COBLL1: variants seen among roughly 807,000 people sequenced by gnomAD.
COBLL1 encodes the protein cordon-bleu protein-like 1.
A neutral mutation model predicts 94.8 loss-of-function variants in COBLL1; 50 were observed. The observed-to-expected ratio is 0.53, with a 90% CI of 0.42 to 0.67. COBLL1 has a LOEUF of 0.67. Among genes scored for constraint, COBLL1 ranks in the 30% least tolerant of loss-of-function variants. The pLI is 0.00. For missense variants in COBLL1, 1,362 were observed against 1,348.7 expected, an observed-to-expected ratio of 1.01 and a Z score of -0.15; for synonymous variants, 448 against 473.8, an observed-to-expected ratio of 0.95 and a Z score of 0.71.
In COBLL1 at chr2:164,728,137, G is replaced by C. The variant is rs1281467124; in HGVS notation, c.493C>G (p.Pro165Ala). ...KTQKTIVRVS[P>A]HASLQELAPI... ...GCAAGCTCTTGAAGCGATGCATGTGGACTCACTCTCACTATGGTCTTCTGT... is the reference window on the plus strand; with the variant it reads ...GCAAGCTCTTGAAGCGATGCATGTGCACTCACTCTCACTATGGTCTTCTGT... Residue 165 changes from proline (P) to alanine (A), a missense_variant, in exon 5 of 14, where the codon CCA (proline) becomes GCA (alanine). Coordinates refer to ENST00000652658, the MANE Select transcript of COBLL1 (RefSeq NM_001365672.2). 1 of 1,613,698 alleles carries C rather than the reference G, an allele frequency of 6.2e-7. No homozygotes were observed. The highest frequency in any genetic ancestry group is 1.1e-5 in the South Asian group (1 of 91,072).
intron 2 of COBLL1, among the ~76,000 whole-genome samples, chr2:164,794,753 AC>A (rs3835929): frequency 1.3e-5 from 2 of 151,504 alleles, no homozygotes; most frequent in Non-Finnish European, 2.9e-5. Context: ...GGCAATTTCA[AC>A]CCCCTCATGA....
At chr2:164,741,253 G>A (rs541982773) in intron 3 of COBLL1, among the ~76,000 whole-genome samples, 10 of 151,950 alleles carry the variant, frequency 6.6e-5, no homozygotes, top group African/African-American at 1.7e-4. Context: ...TCCAGCCTGC[G>A]CAACAGAGCA....
intron 2 of COBLL1, among the ~76,000 whole-genome samples, chr2:164,789,267 T>C (rs1683052451): frequency 2.0e-5 from 3 of 151,994 alleles, no homozygotes; most frequent in African/African-American, 4.8e-5. Context: ...ATCATGATGA[T>C]AGAAGGTTAG....
intron 2 of COBLL1, among the ~76,000 whole-genome samples, chr2:164,836,899 G>T (rs1683341592): frequency 6.6e-6 from 1 of 152,184 alleles, no homozygotes; most frequent in Non-Finnish European, 1.5e-5. Flanking sequence ...CAGAATGGGT[G>T]GGGGCATGAG....
rs1482696413 is a variant in COBLL1 at position 164,695,762 on chromosome 2, T to G, written c.1630A>C (p.Ile544Leu). Residue 544 changes from isoleucine (I) to leucine (L), a missense_variant, in exon 12 of 14, where the codon ATC becomes CTC. Coordinates refer to ENST00000652658, the MANE Select transcript of COBLL1 (RefSeq NM_001365672.2). Reference sequence around the variant, plus strand: ...TTTTTGGCAACACCTTCTACATTGATTTCTGTTTTCTTCACTCCATTTTTC... The same window carrying G: ...TTTTTGGCAACACCTTCTACATTGAGTTCTGTTTTCTTCACTCCATTTTTC... ...NMKNGVKKTE[I>L]NVEGVAKNNN... 38 of 1,612,822 alleles carry G rather than the reference T, an allele frequency of 2.4e-5. No individual in the cohort carries two copies. Among genetic ancestry groups the G allele is most frequent in the Non-Finnish European group, 3.1e-5 (36 of 1,179,584 alleles).
intron 2 of COBLL1, among the ~76,000 whole-genome samples, chr2:164,830,622 C>T (rs891885955): frequency 2.6e-5 from 4 of 152,234 alleles, no homozygotes; most frequent in East Asian, 3.9e-4. Context: ...CACAAGAATA[C>T]GAGCACAAAC....
At position 164,694,269 on chromosome 2, in the gene COBLL1, C is replaced by G. The variant is rs1382498686; in HGVS notation, c.3123G>C (p.Lys1041Asn). Residue 1041 changes from lysine to asparagine, a missense_variant and splice_region_variant, in exon 12 of 14, where the codon AAG becomes AAC. Physicochemically the swap from Lys to Asn is moderately conservative, Grantham distance 94. Transcript: ENST00000652658. ...VDIPQLGVSD[K>N]ENNSAHNEQN... Reference sequence around the variant, plus strand: ...TTATTTTTAAAAAGGCTACAGTTACCTTATCAGACACACCAAGCTGTGGGA... The same window carrying G: ...TTATTTTTAAAAAGGCTACAGTTACGTTATCAGACACACCAAGCTGTGGGA... The G allele has an allele frequency of 6.2e-7, 1 of 1,610,938 alleles. No homozygotes were observed. Among genetic ancestry groups the G allele is most frequent in the Non-Finnish European group, 8.5e-7 (1 of 1,178,564 alleles).
chr2:164,742,500 T>C (rs1023378860), intron 3 of COBLL1, among the ~76,000 whole-genome samples: 1 of 152,114 alleles, frequency 6.6e-6, no homozygotes, highest in East Asian at 1.9e-4. Context: ...TTTCAAGATG[T>C]CTTTCTCACA....
chr2:164,792,505 C>A (rs1261213698), intron 2 of COBLL1, among the ~76,000 whole-genome samples: 1 of 152,070 alleles, frequency 6.6e-6, no homozygotes, highest in African/African-American at 2.4e-5. Context: ...AGGATCATGA[C>A]TAAGAAATAA....
chr2:164,667,198 T>C (rs1028889719), intron 1 of COBLL1, among the ~76,000 whole-genome samples: 2 of 152,206 alleles, frequency 1.3e-5, no homozygotes, highest in Non-Finnish European at 2.9e-5. Context: ...GATCTTTTTT[T>C]CTAAGCAATT....
At chr2:164,770,442 A>C (rs187177275) in intron 2 of COBLL1, among the ~76,000 whole-genome samples, 2 of 152,318 alleles carry the variant, frequency 1.3e-5, no homozygotes, top group Admixed American at 1.3e-4. Flanking sequence ...CTAATTCATT[A>C]TAATCATGCC....
chr2:164,678,919 A>AAT (rs144653036), downstream of COBLL1, among the ~76,000 whole-genome samples: 233 of 152,244 alleles, frequency 1.5e-3, no homozygotes, highest in Non-Finnish European at 2.3e-3. Flanking sequence ...ATGTTCATCA[A>AAT]ATAAAGGAAC....
At chr2:164,678,236 T>A (rs1185859370), downstream of COBLL1, among the ~76,000 whole-genome samples, 1 of 152,150 alleles carries the variant, frequency 6.6e-6, no homozygotes, top group Non-Finnish European at 1.5e-5. Flanking sequence ...ACAGTAATAT[T>A]GGTGCAGTAT....
chr2:164,701,796 T>G (rs1382145765), intron 9 of COBLL1, among the ~76,000 whole-genome samples: 1 of 150,542 alleles, frequency 6.6e-6, no homozygotes, highest in African/African-American at 2.5e-5. Flanking sequence ...TAAGCCAGAG[T>G]GAGGTTCTGG....
chr2:164,770,785 A>G (rs981932727), intron 2 of COBLL1, among the ~76,000 whole-genome samples: 5 of 152,156 alleles, frequency 3.3e-5, no homozygotes, highest in African/African-American at 1.2e-4. Flanking sequence ...GGTGGTCAGT[A>G]CTTAGCAATG....
intron 2 of COBLL1, among the ~76,000 whole-genome samples, chr2:164,834,240 C>G (rs1683218568): frequency 6.6e-6 from 1 of 152,170 alleles, no homozygotes; most frequent in Non-Finnish European, 1.5e-5. Flanking sequence ...ATAAGAACTC[C>G]TTCTACCTTT....
At chr2:164,791,353 A>T (rs1159776964) in intron 2 of COBLL1, among the ~76,000 whole-genome samples, 1 of 152,082 alleles carries the variant, frequency 6.6e-6, no homozygotes, top group Non-Finnish European at 1.5e-5. Context: ...TGGTTAAACA[A>T]AACAAAACAA....
intron 7 of COBLL1, among the ~76,000 whole-genome samples, chr2:164,713,927 T>C (rs1685033460): frequency 6.6e-6 from 1 of 152,144 alleles, no homozygotes; most frequent in African/African-American, 2.4e-5. Flanking sequence ...CAAAATAGCA[T>C]AATTTTGTAA....
intron 2 of COBLL1, among the ~76,000 whole-genome samples, chr2:164,799,019 C>CAAAA (rs555113117): frequency 0.34 from 23,761 of 69,302 alleles, 3,987 homozygotes; most frequent in Admixed American, 0.4. Flanking sequence ...GACTCCGTCT[C>CAAAA]AAAAAAAAAA....
Sources: allele counts gnomAD v4.1 joint callset (sites outside exome capture counted in the v4.1 genomes callset), GRCh38; gene constraint gnomAD v4.1.1; transcripts MANE v1.5; gene names NCBI Gene and HGNC (gene_info 2026-07-23, HGNC 2026-07-21).